The following RAB8B variants were observed in gnomAD, a reference collection of about 807,000 sequenced individuals.
RAB8B encodes ras-related protein Rab-8B.
In RAB8B, 11 loss-of-function variants were observed where a neutral mutation model predicts 32.0. The ratio of observed to expected loss-of-function variants is 0.34; its 90% CI spans 0.22 to 0.57. The LOEUF (loss-of-function observed/expected upper bound fraction) is 0.57, where lower values mean the gene tolerates loss of function less well. Ranked by LOEUF, RAB8B falls within the 20% of genes least tolerant of loss-of-function variation. The probability of loss-of-function intolerance (pLI) is 0.86; values close to 1 mark genes in which losing one functional copy is unlikely to be tolerated. For missense variants in RAB8B, 190 were observed against 258.5 expected, an observed-to-expected ratio of 0.73 and a Z score of 1.82; for synonymous variants, 103 against 89.6, an observed-to-expected ratio of 1.15 and a Z score of -0.85.
chr15:63,192,540 G>A (rs891937901), intron 1 of RAB8B, among the ~76,000 whole-genome samples: 2 of 152,146 alleles, frequency 1.3e-5, no homozygotes, highest in South Asian at 2.1e-4. Context: ...TGTGTCATAC[G>A]GAAAAGATGT....
At chr15:63,194,339 C>T (rs185352309) in intron 1 of RAB8B, among the ~76,000 whole-genome samples, 1 of 152,180 alleles carries the variant, frequency 6.6e-6, no homozygotes, top group African/African-American at 2.4e-5. Context: ...ATGATTATCC[C>T]CATTAATTCA....
At chr15:63,225,901 C>T (rs1019627030) in intron 1 of RAB8B, among the ~76,000 whole-genome samples, 2 of 152,066 alleles carry the variant, frequency 1.3e-5, no homozygotes, top group South Asian at 2.1e-4. Flanking sequence ...AGTGCAGTGG[C>T]GTGATCATAG....
chr15:63,230,541 A>G (rs1260170992), intron 1 of RAB8B, among the ~76,000 whole-genome samples: 1 of 152,108 alleles, frequency 6.6e-6, no homozygotes, highest in African/African-American at 2.4e-5. Context: ...ACCTCAGGTG[A>G]TCCGCCCGCC....
intron 3 of RAB8B, among the ~76,000 whole-genome samples, chr15:63,252,651 G>T (rs893109300): frequency 2.0e-5 from 3 of 152,082 alleles, no homozygotes; most frequent in Non-Finnish European, 4.4e-5. Context: ...CAGGAATTAT[G>T]CAGAATCCAC....
At chr15:63,196,509 T>G (rs1451461041) in intron 1 of RAB8B, among the ~76,000 whole-genome samples, 2 of 152,206 alleles carry the variant, frequency 1.3e-5, no homozygotes, top group Non-Finnish European at 2.9e-5. Context: ...GTAAGAATAC[T>G]GTGTCTACCT....
At chr15:63,261,231 C>T (rs2038201470) in intron 6 of RAB8B, among the ~76,000 whole-genome samples, 2 of 152,184 alleles carry the variant, frequency 1.3e-5, no homozygotes, top group African/African-American at 2.4e-5. Flanking sequence ...GCTATCATCT[C>T]ACCCCAATTA....
At chr15:63,190,874 C>T (rs2037550532) in intron 1 of RAB8B, among the ~76,000 whole-genome samples, 1 of 152,206 alleles carries the variant, frequency 6.6e-6, no homozygotes. Context: ...TTAAGTGAAT[C>T]ACAACATGTG....
At chr15:63,231,569 T>C (rs1315667489) in intron 1 of RAB8B, among the ~76,000 whole-genome samples, 1 of 151,958 alleles carries the variant, frequency 6.6e-6, no homozygotes, top group Non-Finnish European at 1.5e-5. Flanking sequence ...GAAACAGATC[T>C]GACTCAGTTG....
chr15:63,247,058 A>T (rs1286178615), intron 2 of RAB8B, among the ~76,000 whole-genome samples: 1 of 152,192 alleles, frequency 6.6e-6, no homozygotes, highest in Admixed American at 6.5e-5. Context: ...TTTATTTCTC[A>T]CAGTTCTGGA....
chr15:63,189,931 G>A (rs1305772192), intron 1 of RAB8B, among the ~76,000 whole-genome samples, 183 bp downstream of exon 1: 1 of 151,154 alleles, frequency 6.6e-6, no homozygotes, highest in Non-Finnish European at 1.5e-5. Flanking sequence ...GGAGAGAGGC[G>A]AGCGGGAACG....
intron 1 of RAB8B, among the ~76,000 whole-genome samples, chr15:63,207,975 T>A (rs571399336): frequency 1.3e-5 from 2 of 152,304 alleles, no homozygotes; most frequent in Admixed American, 1.3e-4. Context: ...CATGTCCTTC[T>A]AAGTGACCCG....
intron 5 of RAB8B, 25 bp downstream of exon 5, chr15:63,256,619 G>C (rs374311883): frequency 6.8e-7 from 1 of 1,480,074 alleles, no homozygotes; most frequent in South Asian, 1.2e-5. Flanking sequence ...AATGGATAAA[G>C]GTTGGAATCT....
chr15:63,261,712 C>T (rs1290807099), intron 6 of RAB8B, among the ~76,000 whole-genome samples: 4 of 152,080 alleles, frequency 2.6e-5, no homozygotes, highest in East Asian at 1.9e-4. Context: ...TAGTAGTTGT[C>T]GTATTGTTTT....
intron 1 of RAB8B, among the ~76,000 whole-genome samples, chr15:63,198,665 G>A (rs1375990626): frequency 6.6e-6 from 1 of 152,060 alleles, no homozygotes; most frequent in Non-Finnish European, 1.5e-5. Flanking sequence ...TGCATATTTT[G>A]GTGAAGAACT....
chr15:63,218,736 G>A (rs1301993019), intron 1 of RAB8B, among the ~76,000 whole-genome samples: 1 of 152,088 alleles, frequency 6.6e-6, no homozygotes, highest in East Asian at 1.9e-4. Context: ...GGTGATACAG[G>A]AATTCCCGGC....
chr15:63,218,219 G>A (rs922598556), intron 1 of RAB8B, among the ~76,000 whole-genome samples: 1 of 152,148 alleles, frequency 6.6e-6, no homozygotes. Flanking sequence ...ACAAGTATAA[G>A]CAAGTTACTT....
At chr15:63,191,403 C>A (rs1442821339) in intron 1 of RAB8B, among the ~76,000 whole-genome samples, 1 of 152,092 alleles carries the variant, frequency 6.6e-6, no homozygotes, top group African/African-American at 2.4e-5. Flanking sequence ...GGTCTAAAAT[C>A]TCCTGGGTGT....
chr15:63,241,303 C>G (rs145170003), intron 1 of RAB8B, among the ~76,000 whole-genome samples: 1 of 152,120 alleles, frequency 6.6e-6, no homozygotes, highest in Admixed American at 6.5e-5. Flanking sequence ...GAGCCAAGAT[C>G]GCGCCACTGC....
chr15:63,262,310 A>C (rs1174516294), intron 6 of RAB8B, among the ~76,000 whole-genome samples: 1 of 152,120 alleles, frequency 6.6e-6, no homozygotes, highest in Non-Finnish European at 1.5e-5. Flanking sequence ...ACATGAAGAA[A>C]ATATTTGATG....
Sources: gnomAD v4.1 joint callset for allele counts (sites outside exome capture counted in the v4.1 genomes callset) on GRCh38, gnomAD v4.1.1 for gene constraint, MANE v1.5 for transcripts, NCBI Gene and HGNC (gene_info 2026-07-23, HGNC 2026-07-21) for gene names.